DLG2: variants seen among roughly 807,000 people sequenced by gnomAD.
DLG2 encodes the protein disks large homolog 2.
Under a neutral mutation model 132.5 loss-of-function variants are expected in DLG2, and 45 were observed. The ratio of observed to expected loss-of-function variants is 0.34; its 90% confidence interval spans 0.27 to 0.44. The LOEUF (loss-of-function observed/expected upper bound fraction) is 0.44. DLG2 is among the 20% of genes least tolerant of loss of function. DLG2 has a pLI of 1.00. For missense variants in DLG2, 1,045 were observed against 1,196.9 expected, an observed-to-expected ratio of 0.87 and a Z score of 1.87; for synonymous variants, 424 against 419.6, an observed-to-expected ratio of 1.01 and a Z score of -0.13.
intron 6 of DLG2, among the ~76,000 whole-genome samples, chr11:84,569,915 T>G (rs1422805787): frequency 6.6e-6 from 1 of 152,190 alleles, no homozygotes; most frequent in Non-Finnish European, 1.5e-5. Context: ...TTAAGCTACC[T>G]CTATTTTGAT....
chr11:84,841,661 A>T (rs1014753957), intron 6 of DLG2, among the ~76,000 whole-genome samples: 3 of 152,022 alleles, frequency 2.0e-5, no homozygotes, highest in Non-Finnish European at 4.4e-5. Context: ...TCTGAAAAAC[A>T]CACCACTGAA....
intron 15 of DLG2, among the ~76,000 whole-genome samples, chr11:83,887,659 T>C (rs2154081980): frequency 6.6e-6 from 1 of 151,692 alleles, no homozygotes; most frequent in South Asian, 2.1e-4. Flanking sequence ...AAGAGAATTT[T>C]AGACCAATAT....
intron 6 of DLG2, chr11:84,546,817 T>C: frequency 4.6e-6 from 1 of 216,064 alleles, no homozygotes; most frequent in Non-Finnish European, 9.6e-6. Context: ...TTATTCGGGC[T>C]CTTTCAGAGA....
intron 7 of DLG2, among the ~76,000 whole-genome samples, chr11:84,452,411 T>C (rs1355955960): frequency 6.6e-6 from 1 of 151,724 alleles, no homozygotes; most frequent in African/African-American, 2.4e-5. Flanking sequence ...AGCAATACCA[T>C]GATATGACTA....
At chr11:83,734,393 TTCCTTCC>T (rs2091571319) in intron 18 of DLG2, among the ~76,000 whole-genome samples, 1 of 113,814 alleles carries the variant, frequency 8.8e-6, no homozygotes, top group Non-Finnish European at 1.9e-5. Flanking sequence ...CCTTCCTTCC[TTCCTTCC>T]TTCCTTCCCT....
intron 3 of DLG2, among the ~76,000 whole-genome samples, chr11:85,506,773 G>A (rs1327937091): frequency 6.6e-6 from 1 of 152,172 alleles, no homozygotes; most frequent in African/African-American, 2.4e-5. Flanking sequence ...GGATATCCTT[G>A]TTAACTTTCT....
At position 85,350,474 on chromosome 11, in the gene DLG2, G is replaced by C. The variant is rs186581569; in HGVS notation, c.41-65109C>G. On this transcript the variant is annotated intron_variant, in intron 3 of 27. Transcript: ENST00000376104. ...TTGCTTTTGGTGTTTTAGTCATGAA[G>C]TCCTTGCCCATGCCTATGTCCTGAA... Among the ~76,000 whole-genome samples, 193 of 152,256 alleles carry C rather than the reference G, an allele frequency of 1.3e-3. 3 individuals carry two copies. The highest frequency in any genetic ancestry group is 4.4e-3 in the African/African-American group (184 of 41,546).
At chr11:84,076,934 C>A (rs186368280) in intron 10 of DLG2, among the ~76,000 whole-genome samples, 6 of 152,298 alleles carry the variant, frequency 3.9e-5, no homozygotes, top group Admixed American at 1.3e-4. Context: ...GCAAACCCAC[C>A]GTCTCCTTTC....
intron 15 of DLG2, among the ~76,000 whole-genome samples, chr11:83,887,327 G>T (rs1220706552): frequency 2.6e-5 from 4 of 151,768 alleles, no homozygotes; most frequent in Admixed American, 2.6e-4. Context: ...ACACCTCTAC[G>T]CAAATAAACT....
intron 7 of DLG2, among the ~76,000 whole-genome samples, chr11:84,272,803 G>A (rs1176848362): frequency 6.6e-6 from 1 of 152,070 alleles, no homozygotes; most frequent in Admixed American, 6.6e-5. Context: ...AGCTCTGGGG[G>A]AACCAATGGG....
intron 4 of DLG2, among the ~76,000 whole-genome samples, chr11:85,224,277 G>C (rs2074844510): frequency 6.6e-6 from 1 of 152,094 alleles, no homozygotes; most frequent in African/African-American, 2.4e-5. Context: ...GGAGGAGAAA[G>C]AATAATTTTT....
At chr11:83,721,463 A>T (rs574247802) in intron 18 of DLG2, among the ~76,000 whole-genome samples, 65 of 152,302 alleles carry the variant, frequency 4.3e-4, no homozygotes, top group Non-Finnish European at 8.1e-4. Flanking sequence ...ACACATGCGC[A>T]TCATCATCAG....
At chr11:84,971,245 A>G (rs2054057382) in intron 6 of DLG2, among the ~76,000 whole-genome samples, 1 of 152,242 alleles carries the variant, frequency 6.6e-6, no homozygotes, top group Admixed American at 6.5e-5. Flanking sequence ...AGAAAATGAA[A>G]AGCACAGAGG....
chr11:85,597,102 A>G (rs898954047), intron 3 of DLG2, among the ~76,000 whole-genome samples: 2 of 152,012 alleles, frequency 1.3e-5, no homozygotes, highest in African/African-American at 4.8e-5. Flanking sequence ...GATATTTATC[A>G]TTCACTTAAA....
At chr11:84,669,456 A>G (rs1412341588) in intron 6 of DLG2, among the ~76,000 whole-genome samples, 1 of 152,180 alleles carries the variant, frequency 6.6e-6, no homozygotes, top group East Asian at 1.9e-4. Context: ...TTCCAAAGTG[A>G]ACGCACTACT....
At chr11:84,113,582 G>T (rs937692038) in intron 9 of DLG2, among the ~76,000 whole-genome samples, 1 of 152,150 alleles carries the variant, frequency 6.6e-6, no homozygotes, top group African/African-American at 2.4e-5. Flanking sequence ...GAGCTGACAA[G>T]CTTTCTGACT....
chr11:83,718,617 T>C (rs534574874), intron 18 of DLG2, among the ~76,000 whole-genome samples: 4 of 150,690 alleles, frequency 2.7e-5, no homozygotes, highest in Admixed American at 6.6e-5. Flanking sequence ...GGCTGGAAGA[T>C]TGAGGAAATG....
intron 6 of DLG2, among the ~76,000 whole-genome samples, chr11:84,760,987 C>T (rs867662028): frequency 1.1e-4 from 16 of 152,142 alleles, no homozygotes; most frequent in Non-Finnish European, 1.8e-4. Flanking sequence ...TTTGCACCCA[C>T]GTGTGATCTG....
At chr11:84,013,314 T>A (rs1385806559) in intron 11 of DLG2, among the ~76,000 whole-genome samples, 1 of 152,102 alleles carries the variant, frequency 6.6e-6, no homozygotes, top group Non-Finnish European at 1.5e-5. Flanking sequence ...GACTTCATAC[T>A]ACACATCTCC....
Sources: gnomAD v4.1 joint callset for allele counts (sites outside exome capture counted in the v4.1 genomes callset) on GRCh38, gnomAD v4.1.1 for gene constraint, MANE v1.5 for transcripts, NCBI Gene and HGNC (gene_info 2026-07-23, HGNC 2026-07-21) for gene names.